The following DMD variants were observed in gnomAD, a reference collection of about 807,000 sequenced individuals.
DMD encodes mutant dystrophin.
A neutral mutation model predicts 330.1 loss-of-function variants in DMD; 63 were observed. The ratio of observed to expected loss-of-function variants is 0.19; its 90% CI spans 0.16 to 0.24. The LOEUF is 0.24. DMD is among the 10% of genes least tolerant of loss of function. DMD has a pLI of 1.00. For synonymous variants in DMD, 1,223 were observed against 959.8 expected, an observed-to-expected ratio of 1.27 and a Z score of -5.07; for missense variants, 3,344 against 2,684.1, an observed-to-expected ratio of 1.25 and a Z score of -5.43.
At chrX:32,130,496 G>A (rs1182858309) in intron 44 of DMD, among the ~76,000 whole-genome samples, 2 of 110,790 alleles carry the variant, frequency 1.8e-5, no homozygotes, top group Non-Finnish European at 1.9e-5. Flanking sequence ...TAACTCCTCT[G>A]GTTAAAAACC....
intron 2 of DMD, among the ~76,000 whole-genome samples, chrX:32,892,510 C>T (rs1243835542): frequency 1.8e-5 from 2 of 111,773 alleles, no homozygotes; most frequent in Non-Finnish European, 3.8e-5. Context: ...TGTCATGCCT[C>T]GGCCTCCCAA....
chrX:32,375,080 C>G (rs1422267970), intron 34 of DMD, among the ~76,000 whole-genome samples: 1 of 110,868 alleles, frequency 9.0e-6, no homozygotes, highest in Admixed American at 9.6e-5. Context: ...GCACTGCTGC[C>G]ACACAAACTG....
intron 56 of DMD, among the ~76,000 whole-genome samples, chrX:31,498,953 C>T (rs934616260): frequency 8.9e-6 from 1 of 111,737 alleles, no homozygotes; most frequent in Non-Finnish European, 1.9e-5. Flanking sequence ...TAAGCCTAAG[C>T]GACAATTCCC....
intron 55 of DMD, among the ~76,000 whole-genome samples, chrX:31,617,534 C>CAAAAAAAAAAAA (rs749572753): frequency 9.4e-5 from 3 of 32,052 alleles, no homozygotes; most frequent in Admixed American, 5.5e-4. Flanking sequence ...GACTTCGTCT[C>CAAAAAAAAAAAA]AAAAAAAAAA....
intron 44 of DMD, chrX:32,206,314 C>G (rs191700520): frequency 7.5e-5 from 41 of 549,600 alleles, no homozygotes; most frequent in Admixed American, 5.6e-4. Flanking sequence ...GGAAAGCGAT[C>G]TGCTCCTGGA....
chrX:32,056,299 A>G (rs1048144286), intron 44 of DMD, among the ~76,000 whole-genome samples: 2 of 109,159 alleles, frequency 1.8e-5, no homozygotes, highest in Non-Finnish European at 3.8e-5. Flanking sequence ...AAAAGCCAAA[A>G]TTGAAATAGA....
intron 63 of DMD, among the ~76,000 whole-genome samples, chrX:31,246,331 A>G (rs1458253363): frequency 8.9e-6 from 1 of 112,649 alleles, no homozygotes; most frequent in Non-Finnish European, 1.9e-5. Flanking sequence ...CATATCCATA[A>G]CATTAAGGTG....
chrX:33,050,935 G>C (rs1015230589), intron 1 of DMD, among the ~76,000 whole-genome samples: 3 of 111,199 alleles, frequency 2.7e-5, no homozygotes, highest in Non-Finnish European at 5.7e-5. Flanking sequence ...TAGATGTCAA[G>C]TCTACCCATT....
At chrX:32,072,080 A>C (rs1028842382) in intron 44 of DMD, among the ~76,000 whole-genome samples, 1 of 111,944 alleles carries the variant, frequency 8.9e-6, no homozygotes, top group Non-Finnish European at 1.9e-5. Context: ...TTATTTGTGA[A>C]AGTGACTTTA....
At chrX:31,848,821 T>C (rs770530851) in intron 48 of DMD, among the ~76,000 whole-genome samples, 86 of 110,236 alleles carry the variant, frequency 7.8e-4, no homozygotes, top group Non-Finnish European at 1.4e-3. Context: ...TAAATGGCAT[T>C]ACTAATAATG....
chrX:31,638,337 A>G (rs184878270), intron 54 of DMD, among the ~76,000 whole-genome samples: 50 of 111,442 alleles, frequency 4.5e-4, no homozygotes, highest in Middle Eastern at 4.6e-3. Context: ...TTTATCACCC[A>G]TAAGTTTGAT....
chrX:31,967,172 A>G (rs1208049404), intron 45 of DMD, among the ~76,000 whole-genome samples: 1 of 110,744 alleles, frequency 9.0e-6, no homozygotes, highest in Non-Finnish European at 1.9e-5. Flanking sequence ...TACCTAAGGA[A>G]GTAGTTTAAC....
intron 67 of DMD, among the ~76,000 whole-genome samples, chrX:31,190,725 C>T (rs961972603): frequency 2.8e-5 from 3 of 106,867 alleles, no homozygotes; most frequent in South Asian, 4.3e-4. Context: ...TAGAATGATT[C>T]GGGCCAAAGC....
intron 44 of DMD, among the ~76,000 whole-genome samples, chrX:32,045,788 C>T (rs6631469): frequency 0.4 from 44,378 of 110,923 alleles, 6,713 homozygotes; most frequent in African/African-American, 0.54. Context: ...GAAAATAATA[C>T]ACTTTCCCTT....
At chrX:31,876,944 T>C (rs2093977507) in intron 47 of DMD, among the ~76,000 whole-genome samples, 3 of 110,946 alleles carry the variant, frequency 2.7e-5, no homozygotes, top group African/African-American at 6.5e-5. Flanking sequence ...TGAATAATAA[T>C]AGAGAAGATT....
At chrX:31,228,518 A>G (rs1354913844) in intron 63 of DMD, among the ~76,000 whole-genome samples, 2 of 111,763 alleles carry the variant, frequency 1.8e-5, no homozygotes, top group Non-Finnish European at 1.9e-5. Flanking sequence ...GCCTTAGGAA[A>G]GTGTGTAGGA....
rs184281329 is a variant in DMD at position 33,322,865 on chromosome X, A to G, written c.7+16394T>C. 3.6e-5 allele frequency among the ~76,000 whole-genome samples: 4 copies of G among 111,863 alleles called. No homozygotes were observed. In the East Asian group the frequency reaches 1.1e-3, roughly 32 times the overall value. On this transcript the variant is annotated intron_variant, in intron 1 of 17. Transcript: ENST00000288447. ...TCATAAGAAATTTTTCAATGGCAAA[A>G]TGAGGCTTGGTGATGAGATTATCAT...
At chrX:31,140,854 A>C (rs2035955376) in intron 76 of DMD, among the ~76,000 whole-genome samples, 1 of 111,926 alleles carries the variant, frequency 8.9e-6, no homozygotes, top group African/African-American at 3.3e-5. Flanking sequence ...AAGGAGCTTA[A>C]GTTCTAGGGA....
chrX:32,676,031 C>A (rs915256703), intron 9 of DMD, among the ~76,000 whole-genome samples: 4 of 111,390 alleles, frequency 3.6e-5, no homozygotes. Context: ...ACATACCTAT[C>A]AGTTTCTAAC....
Sources: gnomAD v4.1 joint callset for allele counts (sites outside exome capture counted in the v4.1 genomes callset) on GRCh38, gnomAD v4.1.1 for gene constraint, MANE v1.5 for transcripts, NCBI Gene and HGNC (gene_info 2026-07-23, HGNC 2026-07-21) for gene names.